IL1RAPL1: variants seen among roughly 807,000 people sequenced by gnomAD.
IL1RAPL1 encodes interleukin 1 receptor accessory protein like 1.
A neutral mutation model predicts 48.4 loss-of-function variants in IL1RAPL1; 3 were observed. That is an observed-to-expected ratio of 0.06 (90% CI 0.03 to 0.16). The LOEUF (loss-of-function observed/expected upper bound fraction) is 0.16, where lower values mean the gene tolerates loss of function less well. Among genes scored for constraint, IL1RAPL1 ranks in the 10% least tolerant of loss-of-function variants. The probability of loss-of-function intolerance (pLI) is 1.00; values close to 1 mark genes in which losing one functional copy is unlikely to be tolerated. For missense variants in IL1RAPL1, 349 were observed against 530.6 expected (o/e 0.66, Z 3.36); for synonymous variants, 185 against 187.7 (o/e 0.99, Z 0.12).
At chrX:29,949,300 T>G (rs749737334) in intron 9 of IL1RAPL1, among the ~76,000 whole-genome samples, 1 of 112,360 alleles carries the variant, frequency 8.9e-6, no homozygotes, top group South Asian at 3.7e-4. Context: ...AATGTTTTTA[T>G]AAAACATCAA....
intron 5 of IL1RAPL1, among the ~76,000 whole-genome samples, chrX:29,613,712 CGTGTGTGTGTGTGTGTGTGT>C (rs753582133): frequency 8.7e-4 from 51 of 58,802 alleles, no homozygotes; most frequent in East Asian, 8.2e-3. Context: ...GGGTTTTTTT[CGTGTGTGTGTGTGTGTGTGT>C]GTGTGTGTGT....
At chrX:28,668,167 G>A (rs183071317) in intron 1 of IL1RAPL1, among the ~76,000 whole-genome samples, 96 of 111,652 alleles carry the variant, frequency 8.6e-4, no homozygotes, top group African/African-American at 2.9e-3. Context: ...GGTGGCTTGG[G>A]GGTAGTAATA....
chrX:29,377,461 T>C (rs1352273790), intron 3 of IL1RAPL1, among the ~76,000 whole-genome samples: 1 of 111,989 alleles, frequency 8.9e-6, no homozygotes, highest in Non-Finnish European at 1.9e-5. Context: ...GTCTGTGGGC[T>C]ATGTGCTTAA....
chrX:29,012,532 G>A (rs1229856882), intron 2 of IL1RAPL1, among the ~76,000 whole-genome samples: 2 of 111,471 alleles, frequency 1.8e-5, no homozygotes, highest in Admixed American at 9.6e-5. Flanking sequence ...CAACAAGAGC[G>A]AAGCTGTGTC....
chrX:28,842,010 T>A (rs1921385151), intron 2 of IL1RAPL1, among the ~76,000 whole-genome samples: 1 of 110,972 alleles, frequency 9.0e-6, no homozygotes, highest in African/African-American at 3.3e-5. Context: ...GTGCATTATG[T>A]AGGGAAAAAC....
At chrX:29,780,875 A>C (rs1929321670) in intron 6 of IL1RAPL1, among the ~76,000 whole-genome samples, 1 of 111,598 alleles carries the variant, frequency 9.0e-6, no homozygotes, top group African/African-American at 3.3e-5. Context: ...TATGATAATT[A>C]ATTGCTATAA....
At chrX:28,809,110 G>T (rs748417925) in intron 2 of IL1RAPL1, among the ~76,000 whole-genome samples, 1 of 109,912 alleles carries the variant, frequency 9.1e-6, no homozygotes, top group South Asian at 3.8e-4. Context: ...AATTTAACAA[G>T]AATATGCCAG....
intron 1 of IL1RAPL1, among the ~76,000 whole-genome samples, chrX:28,598,817 G>A (rs754686507): frequency 1.0e-3 from 111 of 106,007 alleles, no homozygotes; most frequent in African/African-American, 3.6e-3. Flanking sequence ...TAGTAGAGAC[G>A]GGGTTTCACC....
chrX:29,601,428 T>C lies in IL1RAPL1; in HGVS notation c.704-67002T>C, dbSNP rs145185323. On this transcript the variant is annotated intron_variant, in intron 5 of 10. Coordinates refer to ENST00000378993, the MANE Select transcript of IL1RAPL1 (RefSeq NM_014271.4). ...AAGCATAAATTGAAATTTGTATACT[T>C]TGGCTTTTTAGTAGTAAATCCCACA... Among the ~76,000 whole-genome samples the C allele has an allele frequency of 8.8e-3, 984 of 112,093 alleles. 13 individuals carry two copies. Among genetic ancestry groups the C allele is most frequent in the African/African-American group, 0.03 (935 of 30,850 alleles).
chrX:29,137,062 C>T (rs1929143083), intron 2 of IL1RAPL1, among the ~76,000 whole-genome samples: 1 of 111,014 alleles, frequency 9.0e-6, no homozygotes, highest in African/African-American at 3.3e-5. Flanking sequence ...GATGCACTCA[C>T]ATTGCCAACT....
chrX:28,837,827 A>G (rs1921264506), intron 2 of IL1RAPL1, among the ~76,000 whole-genome samples: 1 of 105,967 alleles, frequency 9.4e-6, no homozygotes, highest in Non-Finnish European at 1.9e-5. Flanking sequence ...CCTCACCCAC[A>G]TAGCAATACC....
At chrX:28,808,541 A>G (rs1179501027) in intron 2 of IL1RAPL1, among the ~76,000 whole-genome samples, 2 of 111,171 alleles carry the variant, frequency 1.8e-5, no homozygotes, top group African/African-American at 6.5e-5. Flanking sequence ...CATATAGATA[A>G]TTTATACATT....
intron 2 of IL1RAPL1, among the ~76,000 whole-genome samples, chrX:29,272,946 A>G (rs1255898878): frequency 8.9e-6 from 1 of 111,881 alleles, no homozygotes; most frequent in Non-Finnish European, 1.9e-5. Flanking sequence ...TGATTGTATT[A>G]TGAAATTCTT....
intron 1 of IL1RAPL1, among the ~76,000 whole-genome samples, chrX:28,656,318 C>A (rs1290180383): frequency 9.0e-6 from 1 of 111,262 alleles, no homozygotes; most frequent in Non-Finnish European, 1.9e-5. Context: ...TCTAGCCCTG[C>A]CACAGCACCT....
chrX:28,718,662 C>T (rs1220767591), intron 1 of IL1RAPL1, among the ~76,000 whole-genome samples: 1 of 111,614 alleles, frequency 9.0e-6, no homozygotes, highest in African/African-American at 3.2e-5. Context: ...GCAAATTTTA[C>T]ATTGGTAAAT....
chrX:28,980,452 AT>A (rs1925302571), intron 2 of IL1RAPL1, among the ~76,000 whole-genome samples: 1 of 112,201 alleles, frequency 8.9e-6, no homozygotes, highest in Non-Finnish European at 1.9e-5. Context: ...ATCCTACCTC[AT>A]TTTTATATTA....
intron 3 of IL1RAPL1, among the ~76,000 whole-genome samples, chrX:29,305,484 C>A (rs983144499): frequency 1.8e-5 from 2 of 111,731 alleles, no homozygotes; most frequent in African/African-American, 6.5e-5. Context: ...GATGCCAAAC[C>A]TTCCTGGAGT....
At chrX:29,297,551 T>C (rs1932467433) in intron 3 of IL1RAPL1, among the ~76,000 whole-genome samples, 1 of 112,379 alleles carries the variant, frequency 8.9e-6, no homozygotes, top group Non-Finnish European at 1.9e-5. Context: ...GAAACTCTTC[T>C]GGATAGCTCT....
chrX:29,097,328 G>T (rs762132762), intron 2 of IL1RAPL1, among the ~76,000 whole-genome samples: 21 of 111,499 alleles, frequency 1.9e-4, no homozygotes, highest in African/African-American at 6.5e-4. Context: ...TTAATTATAC[G>T]CTGATAGAGA....
Sources: allele counts gnomAD v4.1 joint callset (sites outside exome capture counted in the v4.1 genomes callset), GRCh38; gene constraint gnomAD v4.1.1; transcripts MANE v1.5; gene names NCBI Gene and HGNC (gene_info 2026-07-23, HGNC 2026-07-21).